Variants in BMPR2 observed in about 807,000 individuals in gnomAD.
BMPR2 encodes bone morphogenetic protein receptor type 2.
A neutral mutation model predicts 100.8 loss-of-function variants in BMPR2; 29 were observed. The observed-to-expected ratio is 0.29, with a 90% CI of 0.21 to 0.39. The LOEUF (loss-of-function observed/expected upper bound fraction) is 0.39. Among genes scored for constraint, BMPR2 ranks in the 10% least tolerant of loss-of-function variants. The pLI is 1.00. For missense variants in BMPR2, 1,011 were observed against 1,274.5 expected (o/e 0.79, Z 3.15); for synonymous variants, 382 against 442.3 (o/e 0.86, Z 1.71).
chr2:202,441,629 A>C (rs1451334294), intron 1 of BMPR2, among the ~76,000 whole-genome samples: 1 of 146,004 alleles, frequency 6.8e-6, no homozygotes, highest in East Asian at 2.0e-4. Flanking sequence ...GAAGCAGGAG[A>C]ATGGCGTGAA....
chr2:202,428,891 G>A (rs1482941894), intron 1 of BMPR2, among the ~76,000 whole-genome samples: 1 of 152,110 alleles, frequency 6.6e-6, no homozygotes, highest in Non-Finnish European at 1.5e-5. Context: ...CTTTGCATGT[G>A]CCCATAGTGT....
At chr2:202,437,359 C>G (rs919379293) in intron 1 of BMPR2, among the ~76,000 whole-genome samples, 3 of 150,676 alleles carry the variant, frequency 2.0e-5, no homozygotes, top group African/African-American at 7.5e-5. Flanking sequence ...TGTATCTCTT[C>G]TTATATTTTC....
Position 202,453,043 on chromosome 2 carries a change from G to A in BMPR2, c.77-11766G>A, listed in dbSNP as rs529337046. ...ACTTTATGTGTGCTATCTGGATGAAGCTGGAGGGATTTGGAGTTTCTAGAT... is the reference window on the plus strand; with the variant it reads ...ACTTTATGTGTGCTATCTGGATGAAACTGGAGGGATTTGGAGTTTCTAGAT... On this transcript the variant is annotated intron_variant, in intron 1 of 12. Coordinates refer to ENST00000374580, the MANE Select transcript of BMPR2 (RefSeq NM_001204.7). 5.3e-5 allele frequency among the ~76,000 whole-genome samples: 8 copies of A among 152,282 alleles called. No individual in the cohort carries two copies. In the East Asian group the frequency reaches 1.5e-3, roughly 29 times the overall value.
At chr2:202,469,061 G>T (rs144485731) in intron 3 of BMPR2, among the ~76,000 whole-genome samples, 35 of 151,682 alleles carry the variant, frequency 2.3e-4, no homozygotes, top group African/African-American at 8.2e-4. Flanking sequence ...ATGGAGTTTC[G>T]CTCTTGTTGC....
chr2:202,514,275 T>C (rs1687675655), intron 4 of BMPR2, among the ~76,000 whole-genome samples: 1 of 152,328 alleles, frequency 6.6e-6, no homozygotes, highest in Admixed American at 6.5e-5. Flanking sequence ...TAGCTGGGAC[T>C]ACAGGTGCCC....
rs1489448584 is a variant in BMPR2 at position 202,525,524 on chromosome 2, G to A, written c.968-5270G>A. 2.6e-5 allele frequency among the ~76,000 whole-genome samples: 4 copies of A among 152,146 alleles called. No homozygotes were observed. The East Asian group carries it at 7.7e-4, about 29-fold the overall frequency. On this transcript the variant is annotated intron_variant, in intron 7 of 12. Transcript: ENST00000374580. Reference sequence around the variant, plus strand: ...CTTTCATTTTCAAAGTCACCTCATTGTCCATCATGCCAGTCAGGGAAAAGT... The same window carrying A: ...CTTTCATTTTCAAAGTCACCTCATTATCCATCATGCCAGTCAGGGAAAAGT...
At chr2:202,383,557 G>A (rs1441959448) in intron 1 of BMPR2, among the ~76,000 whole-genome samples, 1 of 151,854 alleles carries the variant, frequency 6.6e-6, no homozygotes, top group Non-Finnish European at 1.5e-5. Context: ...GCACATGCCT[G>A]TAATCCCAGC....
intron 3 of BMPR2, among the ~76,000 whole-genome samples, chr2:202,510,883 G>A (rs1687608874): frequency 6.6e-6 from 1 of 151,516 alleles, no homozygotes. Context: ...GTTTCACCAT[G>A]TTGGTCAGGC....
rs1688753899 is a variant in BMPR2 at position 202,565,970 on chromosome 2, T to C, written c.*6024T>C. On this transcript the variant is annotated 3_prime_UTR_variant, in exon 13 of 13. Coordinates refer to ENST00000374580, the MANE Select transcript of BMPR2 (RefSeq NM_001204.7). Reference sequence around the variant, plus strand: ...TATCTTTAAAAGTCCAATTCTGTTATTACTGTGATGTTTGTAGTGTTACTA... The same window carrying C: ...TATCTTTAAAAGTCCAATTCTGTTACTACTGTGATGTTTGTAGTGTTACTA... 6.6e-6 allele frequency: 1 copy of C among 152,196 alleles called. No individual in the cohort carries two copies. The highest frequency in any genetic ancestry group is 2.4e-5 in the African/African-American group (1 of 41,464). The allele number at this position is 152,196 out of a possible 1,614,324, so 9.4% of individuals were successfully genotyped here.
chr2:202,552,695 G>A (rs775404926), intron 10 of BMPR2, 21 bp from the exon 11 acceptor site: 2 of 1,613,220 alleles, frequency 1.2e-6, no homozygotes, highest in Non-Finnish European at 1.7e-6. Flanking sequence ...CACATGGTTT[G>A]ACATGTACTT....
At chr2:202,475,442 G>A (rs1052025701) in intron 3 of BMPR2, among the ~76,000 whole-genome samples, 5 of 152,124 alleles carry the variant, frequency 3.3e-5, no homozygotes, top group Non-Finnish European at 7.3e-5. Flanking sequence ...ATATATTAAT[G>A]TAGAAGGCAC....
At chr2:202,498,545 G>A (rs575186139) in intron 3 of BMPR2, among the ~76,000 whole-genome samples, 209 of 152,190 alleles carry the variant, frequency 1.4e-3, no homozygotes, top group African/African-American at 3.5e-3. Context: ...CAACTATTCC[G>A]ATCAGCAGGG....
In BMPR2 at chr2:202,561,404, C is replaced by T. The variant is rs907380881; in HGVS notation, c.*1458C>T. ...TTGAAATCATATTATTTTTAAAAGC[C>T]CTTTGCTTCTTTCATTACTTATAAT... is the stretch of plus-strand genomic sequence containing the variant. On this transcript the variant is annotated 3_prime_UTR_variant, in exon 13 of 13. Transcript: ENST00000374580. The T allele has an allele frequency of 6.6e-6, 1 of 151,812 alleles. No homozygotes were observed. Among genetic ancestry groups the T allele is most frequent in the Non-Finnish European group, 1.5e-5 (1 of 67,930 alleles). 9.4% of individuals were successfully genotyped at this position (151,812 alleles called of 1,614,324 possible). A position where few individuals can be genotyped will look rare whatever the true frequency, so the allele number is the denominator to read the frequency against.
In BMPR2 at chr2:202,545,997, G is replaced by A. The variant is rs576013768; in HGVS notation, c.1413+3550G>A. On this transcript the variant is annotated intron_variant, in intron 10 of 12. Transcript: ENST00000374580. Reference sequence around the variant, plus strand: ...CCTTAAATTGTTTTATTTCACCAGCGCAAATGGGATCTATTATTTTGAAAT... The same window carrying A: ...CCTTAAATTGTTTTATTTCACCAGCACAAATGGGATCTATTATTTTGAAAT... Among the ~76,000 whole-genome samples the A allele has an allele frequency of 3.3e-5, 5 of 152,176 alleles. No homozygotes were observed. The East Asian group carries it at 5.8e-4, about 18-fold the overall frequency.
intron 1 of BMPR2, among the ~76,000 whole-genome samples, chr2:202,406,823 G>A (rs1035990752): frequency 1.3e-5 from 2 of 152,146 alleles, no homozygotes; most frequent in African/African-American, 2.4e-5. Flanking sequence ...CAAGAATGGC[G>A]TAATAAACTT....
rs1574455293 is a variant in BMPR2, at chr2:202,449,353, A to AATAAT, written c.77-15455_77-15454insTAATA. On this transcript the variant is annotated intron_variant, in intron 1 of 12. Coordinates refer to ENST00000374580, the MANE Select transcript of BMPR2 (RefSeq NM_001204.7). ...TAAATAAATAAATAAATAAATAATA[A>AATAAT]AAAAATAACAGACCTGAGACTGCTA... Among the ~76,000 whole-genome samples the AATAAT allele has an allele frequency of 5.3e-5, 8 of 152,000 alleles. No homozygotes were observed. The East Asian group carries it at 1.5e-3, about 29-fold the overall frequency.
chr2:202,478,555 T>G (rs993367831), intron 3 of BMPR2, among the ~76,000 whole-genome samples: 1 of 151,784 alleles, frequency 6.6e-6, no homozygotes, highest in African/African-American at 2.4e-5. Flanking sequence ...CCCAGGAGTT[T>G]AAGGCTACAC....
At chr2:202,389,733 C>G (rs1195493446) in intron 1 of BMPR2, among the ~76,000 whole-genome samples, 2 of 151,470 alleles carry the variant, frequency 1.3e-5, no homozygotes. Context: ...CCTCCGCCTC[C>G]TGGGTTCAAG....
intron 1 of BMPR2, 65 bp from the exon 2 acceptor site, chr2:202,464,742 CAA>C (rs1202872288): frequency 1.1e-5 from 16 of 1,432,736 alleles, no homozygotes; most frequent in African/African-American, 2.9e-5. Context: ...TCGGATAAGA[CAA>C]AGATTTTATA....
Sources: gnomAD v4.1 joint callset for allele counts (sites outside exome capture counted in the v4.1 genomes callset) on GRCh38, gnomAD v4.1.1 for gene constraint, MANE v1.5 for transcripts, NCBI Gene and HGNC (gene_info 2026-07-23, HGNC 2026-07-21) for gene names.